Variants in HIPK2 observed in about 807,000 individuals in gnomAD.
The protein encoded by HIPK2 is homeodomain interacting protein kinase 2.
A neutral mutation model predicts 113.7 loss-of-function variants in HIPK2; 27 were observed. That is an observed-to-expected ratio of 0.24 (90% CI 0.17 to 0.33). The LOEUF (loss-of-function observed/expected upper bound fraction) is 0.33, where lower values mean the gene tolerates loss of function less well. Among genes scored for constraint, HIPK2 ranks in the 10% least tolerant of loss-of-function variants. The probability of loss-of-function intolerance (pLI) is 1.00; values close to 1 mark genes in which losing one functional copy is unlikely to be tolerated. For synonymous variants in HIPK2, 631 were observed against 642.2 expected, an observed-to-expected ratio of 0.98 and a Z score of 0.26; for missense variants, 1,257 against 1,588.0, an observed-to-expected ratio of 0.79 and a Z score of 3.54.
intron 7 of HIPK2, among the ~76,000 whole-genome samples, chr7:139,618,025 T>G (rs1437822314): frequency 1.3e-5 from 2 of 152,240 alleles, no homozygotes; most frequent in East Asian, 3.8e-4. Context: ...TGTGTATGTA[T>G]ATTTTAAGAG....
intron 13 of HIPK2, among the ~76,000 whole-genome samples, chr7:139,578,795 C>T (rs934269008): frequency 2.6e-5 from 4 of 152,106 alleles, no homozygotes; most frequent in African/African-American, 7.2e-5. Context: ...CTCAGCCTTC[C>T]GAGTAGCTGG....
rs1457911636 is a variant in HIPK2 at position 139,683,927 on chromosome 7, C to G, written c.1103+32005G>C. On this transcript the variant is annotated intron_variant, in intron 2 of 14. Transcript: ENST00000406875. This position sits in a 1 kb window ranked among gnomAD's most constrained non-coding sequence, Gnocchi z 4.2. ...AGAGACATACCTCATTATATTGCCC[C>G]TAGCTTGACTGAGCTTTGCAGATAC... 2.0e-5 allele frequency among the ~76,000 whole-genome samples: 3 copies of G among 151,218 alleles called. No homozygotes were observed. Among genetic ancestry groups the G allele is most frequent in the African/African-American group, 7.3e-5 (3 of 41,214 alleles).
intron 2 of HIPK2, among the ~76,000 whole-genome samples, chr7:139,668,088 T>G (rs1267768053): frequency 6.9e-6 from 1 of 145,310 alleles, no homozygotes; most frequent in Non-Finnish European, 1.5e-5. Context: ...ATCAAACCAT[T>G]GCACTCCAGC....
At chr7:139,741,951 T>C (rs1305067534) in intron 1 of HIPK2, among the ~76,000 whole-genome samples, 2 of 152,232 alleles carry the variant, frequency 1.3e-5, no homozygotes, top group Non-Finnish European at 1.5e-5. Context: ...AGGTCATTAT[T>C]ATCATCCTCA....
chr7:139,764,743 A>G (rs1796525425), intron 1 of HIPK2, among the ~76,000 whole-genome samples: 1 of 152,244 alleles, frequency 6.6e-6, no homozygotes, highest in Non-Finnish European at 1.5e-5. Context: ...CGAGAGGGGT[A>G]GAATGACAGC....
intron 2 of HIPK2, among the ~76,000 whole-genome samples, chr7:139,656,781 G>C (rs758769127): frequency 2.0e-5 from 3 of 151,946 alleles, no homozygotes; most frequent in Non-Finnish European, 4.4e-5. Context: ...CTCCTTACTC[G>C]ACACTTCTGT....
chr7:139,707,691 C>T (rs1657808698), intron 2 of HIPK2, among the ~76,000 whole-genome samples: 1 of 152,204 alleles, frequency 6.6e-6, no homozygotes, highest in Non-Finnish European at 1.5e-5. Flanking sequence ...CCTGAAACCT[C>T]AGCACAACAC....
intron 1 of HIPK2, among the ~76,000 whole-genome samples, chr7:139,773,819 C>A (rs1244798062): frequency 1.3e-5 from 2 of 152,198 alleles, no homozygotes; most frequent in Non-Finnish European, 2.9e-5. Flanking sequence ...CCTTGCCCAG[C>A]CTGCTGCCTT....
chr7:139,744,407 G>A (rs1272932772), intron 1 of HIPK2, among the ~76,000 whole-genome samples: 1 of 152,210 alleles, frequency 6.6e-6, no homozygotes, highest in Non-Finnish European at 1.5e-5. Flanking sequence ...GGTTGCCAGG[G>A]GCTAGAAGGA....
rs1585301901 is a variant in HIPK2, at chr7:139,631,547, C to T, written c.1227+55G>A. On this transcript the variant is annotated intron_variant, in intron 3 of 14. Coordinates refer to ENST00000406875, the MANE Select transcript of HIPK2 (RefSeq NM_022740.5). The surrounding 1 kb of genome is among the most constrained non-coding windows in gnomAD (Gnocchi z 4.9). ...GTAATCAATGAAATGCTAATCCAGG[C>T]TATTTTCCAGATGAAGAATGAGGTC... 9 of 1,592,306 alleles carry T rather than the reference C, an allele frequency of 5.7e-6. 2 individuals are homozygous for T. The Admixed American group carries it at 1.6e-4, about 28-fold the overall frequency.
intron 1 of HIPK2, among the ~76,000 whole-genome samples, chr7:139,769,184 G>A (rs1229154975): frequency 6.6e-6 from 1 of 152,042 alleles, no homozygotes; most frequent in Non-Finnish European, 1.5e-5. Context: ...CAGGCAAGCC[G>A]ACAAGTGCTC....
chr7:139,732,530 G>A (rs889837366), intron 1 of HIPK2, among the ~76,000 whole-genome samples: 1 of 152,064 alleles, frequency 6.6e-6, no homozygotes, highest in African/African-American at 2.4e-5. Context: ...GGTGATGTAG[G>A]CCATCCCTAT....
At chr7:139,635,124 G>C (rs1800764181) in intron 2 of HIPK2, among the ~76,000 whole-genome samples, 1 of 152,216 alleles carries the variant, frequency 6.6e-6, no homozygotes, top group South Asian at 2.1e-4. Flanking sequence ...CATGGGAGGA[G>C]AGTTTTGGCC....
At chr7:139,726,709 G>A (rs1239903184) in intron 1 of HIPK2, among the ~76,000 whole-genome samples, 1 of 152,176 alleles carries the variant, frequency 6.6e-6, no homozygotes, top group Non-Finnish European at 1.5e-5. Flanking sequence ...TTTGAAAAGG[G>A]AATGGAAATC....
intron 2 of HIPK2, among the ~76,000 whole-genome samples, chr7:139,691,040 T>TA (rs1339279123): frequency 3.9e-5 from 6 of 152,136 alleles, no homozygotes; most frequent in Non-Finnish European, 4.4e-5. Flanking sequence ...GTATTTGACA[T>TA]AAAAAACAGG....
chr7:139,613,110 T>C lies in HIPK2; in HGVS notation c.2112+92A>G. On this transcript the variant is annotated intron_variant, in intron 9 of 14. Transcript: ENST00000406875. The surrounding 1 kb of genome is among the most constrained non-coding windows in gnomAD (Gnocchi z 4.2). ...TGACTAGAAGCACCTAACTCATTAC[T>C]AGGGAGAGAGGGAGTGGAGATATAT... 6.8e-7 allele frequency: 1 copy of C among 1,476,178 alleles called. No individual in the cohort carries two copies. Among genetic ancestry groups the C allele is most frequent in the Non-Finnish European group, 9.2e-7 (1 of 1,082,936 alleles). The allele number at this position is 1,476,178 out of a possible 1,614,324, so 91.4% of individuals were successfully genotyped here. A position where few individuals can be genotyped will look rare whatever the true frequency, so the allele number is the denominator to read the frequency against.
At chr7:139,772,533 T>C (rs923167408) in intron 1 of HIPK2, among the ~76,000 whole-genome samples, 34 of 151,804 alleles carry the variant, frequency 2.2e-4, no homozygotes, top group Non-Finnish European at 5.9e-5. Flanking sequence ...GAAACACTTT[T>C]TTGAGTCTAC....
At chr7:139,700,582 A>T (rs1215511113) in intron 2 of HIPK2, among the ~76,000 whole-genome samples, 1 of 152,126 alleles carries the variant, frequency 6.6e-6, no homozygotes, top group African/African-American at 2.4e-5. Context: ...GTATTTTCTG[A>T]AATCTGCACG....
intron 1 of HIPK2, among the ~76,000 whole-genome samples, chr7:139,723,589 A>G (rs1795482229): frequency 6.6e-6 from 1 of 152,198 alleles, no homozygotes; most frequent in South Asian, 2.1e-4. Flanking sequence ...TCATAACTTT[A>G]TATTTCACAA....
Sources: gnomAD v4.1 joint callset for allele counts (sites outside exome capture counted in the v4.1 genomes callset) on GRCh38, gnomAD v4.1.1 for gene constraint, Gnocchi (gnomAD v3.1) non-coding constraint, MANE v1.5 for transcripts, NCBI Gene and HGNC (gene_info 2026-07-23, HGNC 2026-07-21) for gene names.